The following PTPRD variants were observed in gnomAD, a reference collection of about 807,000 sequenced individuals.
The protein encoded by PTPRD is protein tyrosine phosphatase receptor type D, also known as receptor-type tyrosine-protein phosphatase delta.
In PTPRD, 34 loss-of-function variants were observed where a neutral mutation model predicts 214.5. That is an observed-to-expected ratio of 0.16 (90% CI 0.12 to 0.21). The LOEUF is 0.21. Ranked by LOEUF, PTPRD falls within the 10% of genes least tolerant of loss-of-function variation. The probability of loss-of-function intolerance (pLI) is 1.00; values close to 1 mark genes in which losing one functional copy is unlikely to be tolerated. For synonymous variants in PTPRD, 1,128 were observed against 845.7 expected (o/e 1.33, Z -5.79); for missense variants, 2,545 against 2,398.7 (o/e 1.06, Z -1.27).
intron 9 of PTPRD, among the ~76,000 whole-genome samples, chr9:9,194,654 A>C (rs1048205644): frequency 5.3e-5 from 8 of 152,164 alleles, no homozygotes; most frequent in African/African-American, 1.9e-4. Context: ...GTGCAAAGGC[A>C]AATAAGAAGT....
chr9:9,178,015 A>T (rs565816164), intron 10 of PTPRD, among the ~76,000 whole-genome samples: 2 of 152,182 alleles, frequency 1.3e-5, no homozygotes, highest in Non-Finnish European at 1.5e-5. Context: ...AACCCATCTC[A>T]TAATAGGAAT....
chr9:9,045,610 G>C (rs2017490754), intron 10 of PTPRD, among the ~76,000 whole-genome samples: 1 of 152,084 alleles, frequency 6.6e-6, no homozygotes, highest in Non-Finnish European at 1.5e-5. Context: ...AGCTTTGAAT[G>C]ACACATTATT....
chr9:8,507,743 T>G (rs2097571215), intron 21 of PTPRD, among the ~76,000 whole-genome samples: 1 of 152,188 alleles, frequency 6.6e-6, no homozygotes, highest in African/African-American at 2.4e-5. Flanking sequence ...TTGTTAGTAA[T>G]AAATAATATA....
At chr9:8,563,735 C>A (rs2087529753) in intron 14 of PTPRD, among the ~76,000 whole-genome samples, 1 of 152,168 alleles carries the variant, frequency 6.6e-6, no homozygotes, top group South Asian at 2.1e-4. Flanking sequence ...AATCTCAGCT[C>A]ATTGCAACCT....
chr9:8,748,534 A>AAAAG (rs1283360039), intron 11 of PTPRD, among the ~76,000 whole-genome samples: 1 of 136,832 alleles, frequency 7.3e-6, no homozygotes, highest in South Asian at 2.2e-4. Flanking sequence ...AAAAAAAAAA[A>AAAAG]AAAAAAGAAA....
intron 12 of PTPRD, among the ~76,000 whole-genome samples, chr9:8,730,976 G>C (rs150264845): frequency 6.6e-6 from 1 of 152,090 alleles, no homozygotes; most frequent in Non-Finnish European, 1.5e-5. Context: ...ACAAACACAC[G>C]TCTAGCTTTT....
At chr9:10,125,961 C>T (rs1377804384) in intron 3 of PTPRD, among the ~76,000 whole-genome samples, 1 of 151,994 alleles carries the variant, frequency 6.6e-6, no homozygotes, top group African/African-American at 2.4e-5. Flanking sequence ...AATAATTTTA[C>T]TATCACAATA....
chr9:9,910,507 G>C (rs2078887307), intron 5 of PTPRD, among the ~76,000 whole-genome samples: 1 of 151,988 alleles, frequency 6.6e-6, no homozygotes, highest in Non-Finnish European at 1.5e-5. Flanking sequence ...CCTCTTGACA[G>C]TGTAGGGGTC....
At chr9:9,696,815 A>T (rs1015034830) in intron 7 of PTPRD, among the ~76,000 whole-genome samples, 1 of 152,094 alleles carries the variant, frequency 6.6e-6, no homozygotes, top group Admixed American at 6.6e-5. Flanking sequence ...GTTATTATTG[A>T]TAGGTAAAGA....
chr9:9,122,510 A>T (rs2099818561), intron 10 of PTPRD, among the ~76,000 whole-genome samples: 1 of 152,138 alleles, frequency 6.6e-6, no homozygotes, highest in Non-Finnish European at 1.5e-5. Context: ...TTTTAGTCAG[A>T]TCTCCATCTT....
At chr9:9,564,897 T>TG (rs1410602572) in intron 8 of PTPRD, among the ~76,000 whole-genome samples, 5 of 140,244 alleles carry the variant, frequency 3.6e-5, no homozygotes, top group Admixed American at 7.3e-5. Flanking sequence ...TTTTTTTTTT[T>TG]TTTTTTTTTT....
chr9:9,791,406 A>T (rs769234630), intron 5 of PTPRD, among the ~76,000 whole-genome samples: 1 of 152,128 alleles, frequency 6.6e-6, no homozygotes, highest in Non-Finnish European at 1.5e-5. Flanking sequence ...CTGTGCAATT[A>T]TAATAACGAC....
chr9:8,748,878 C>A (rs7863481), intron 11 of PTPRD, among the ~76,000 whole-genome samples: 2 of 151,952 alleles, frequency 1.3e-5, no homozygotes, highest in Non-Finnish European at 2.9e-5. Context: ...CCAGTGCACT[C>A]CAGCCTGGGT....
chr9:8,542,879 T>C (rs1485597850), intron 14 of PTPRD, among the ~76,000 whole-genome samples: 2 of 152,224 alleles, frequency 1.3e-5, no homozygotes, highest in Non-Finnish European at 2.9e-5. Context: ...TAAATACCCA[T>C]GGATTTGCAT....
intron 2 of PTPRD, among the ~76,000 whole-genome samples, chr9:10,439,993 T>A (rs955038381): frequency 6.6e-6 from 1 of 151,418 alleles, no homozygotes; most frequent in Non-Finnish European, 1.5e-5. Flanking sequence ...AATACATGTA[T>A]CCTGGAACTT....
chr9:9,910,119 C>T (rs1453355006), intron 5 of PTPRD, among the ~76,000 whole-genome samples: 2 of 151,886 alleles, frequency 1.3e-5, no homozygotes, highest in African/African-American at 2.4e-5. Context: ...GCTTTCATAT[C>T]TGTGAAGGCA....
chr9:10,609,607 G>T (rs187748765), intron 2 of PTPRD, among the ~76,000 whole-genome samples: 2 of 152,156 alleles, frequency 1.3e-5, no homozygotes, highest in East Asian at 1.9e-4. Flanking sequence ...ATGTGCATTT[G>T]CAGAACTCTG....
intron 35 of PTPRD, among the ~76,000 whole-genome samples, chr9:8,422,761 T>C (rs1181474094): frequency 2.0e-5 from 3 of 152,222 alleles, no homozygotes; most frequent in African/African-American, 7.2e-5. Context: ...AATGCCCAGT[T>C]GCACGGCAAC....
chr9:9,856,935 T>TA (rs150987804), intron 5 of PTPRD, among the ~76,000 whole-genome samples: 2,518 of 152,290 alleles, frequency 0.017, 58 homozygotes, highest in African/African-American at 0.058. Flanking sequence ...TTAGGTCACT[T>TA]AAAAATGGGA....
Sources: allele counts gnomAD v4.1 joint callset (sites outside exome capture counted in the v4.1 genomes callset), GRCh38; gene constraint gnomAD v4.1.1; transcripts MANE v1.5; gene names NCBI Gene and HGNC (gene_info 2026-07-23, HGNC 2026-07-21).